Variants in TREML1 observed in about 807,000 individuals in gnomAD.
TREML1 encodes triggering receptor expressed on myeloid cells like 1, also known as trem-like transcript 1 protein.
TREML1 carries 27 observed loss-of-function variants against 22.8 expected under a neutral mutation model. That is an observed-to-expected ratio of 1.19 (90% CI 0.87 to 1.64). TREML1 has a LOEUF of 1.64. TREML1 is among the 40% of genes most tolerant of loss of function. The pLI is 0.00. For missense variants in TREML1, 356 were observed against 382.0 expected, an observed-to-expected ratio of 0.93 and a Z score of 0.57; for synonymous variants, 153 against 161.9, an observed-to-expected ratio of 0.94 and a Z score of 0.42.
chr6:41,149,801 T>G lies in TREML1; in HGVS notation c.739A>C (p.Ser247Arg). 1 of 1,614,074 alleles carries G rather than the reference T, an allele frequency of 6.2e-7. No homozygotes were observed. Among genetic ancestry groups the G allele is most frequent in the South Asian group, 1.1e-5 (1 of 91,076 alleles). ...CCTGATGGGGAATCAAGAGGTAGGC[T>G]GGTGTAGGTGGTATTGTCAAATGAA... ...PPSFDNTTYT[S>R]LPLDSPSGKP... The change falls in exon 6 of 6, where the codon AGC becomes CGC. Residue 247 changes from serine (S) to arginine (R), a missense_variant. Coordinates refer to ENST00000426005, the MANE Select transcript of TREML1 (RefSeq NM_178174.4).
rs770423890 is a variant in TREML1, at chr6:41,153,904, G to A, written c.230C>T (p.Thr77Met). 67 of 1,614,056 alleles carry A rather than the reference G, an allele frequency of 4.2e-5. No individual in the cohort carries two copies. The highest frequency in any genetic ancestry group is 1.3e-4 in the African/African-American group (10 of 74,904). Reference protein sequence around the residue: ...VDRRAPAGRRTFLTDLGGGLL... With the variant: ...VDRRAPAGRRMFLTDLGGGLL... Reference sequence around the variant, plus strand: ...GCCCCCACCCAGGTCTGTGAGAAACGTACGCCTGCCCGCTGGAGCTCTGCG... The same window carrying A: ...GCCCCCACCCAGGTCTGTGAGAAACATACGCCTGCCCGCTGGAGCTCTGCG... The change falls in exon 2 of 6, where the codon ACG (threonine) becomes ATG (methionine). Residue 77 changes from threonine (T) to methionine (M), a missense_variant. Transcript: ENST00000426005.
intron 5 of TREML1, 109 bp downstream of exon 5, chr6:41,150,152 C>T: frequency 7.9e-7 from 1 of 1,272,918 alleles, no homozygotes; most frequent in Non-Finnish European, 1.1e-6. Flanking sequence ...GGTTTGGACC[C>T]CAACTAGGTC....
rs1168791328 is a variant in TREML1, at chr6:41,149,611, G to A, written c.929C>T (p.Ser310Phe). Reference sequence around the variant, plus strand: ...TAAAGTGTGATGAGCAGCTTAGCTGGATGGAGTCTGATTGTTAGGTGGATT... The same window carrying A: ...TAAAGTGTGATGAGCAGCTTAGCTGAATGGAGTCTGATTGTTAGGTGGATT... ...AQNPPNNQTP[S>F]S Residue 310 changes from serine to phenylalanine, a missense_variant, in exon 6 of 6, where the codon TCC becomes TTC. Physicochemically the swap from Ser to Phe is radical, Grantham distance 155. Coordinates refer to ENST00000426005, the MANE Select transcript of TREML1 (RefSeq NM_178174.4). 6.2e-7 allele frequency: 1 copy of A among 1,610,600 alleles called. No homozygotes were observed. The highest frequency in any genetic ancestry group is 1.1e-5 in the South Asian group (1 of 90,766).
chr6:41,154,050 T>C lies in TREML1; in HGVS notation c.84A>G (p.Ala28=), dbSNP rs148869564. Residue 28 remains alanine (A), a synonymous_variant, in exon 2 of 6, where the codon GCA becomes GCG. Coordinates refer to ENST00000426005, the MANE Select transcript of TREML1 (RefSeq NM_178174.4). ...GCACCAGAATGGAGCTTCCCACGGG[T>C]GCCTGCAGCACCTCAGGGAGGCTGC... The part of the protein sequence containing the change: ...IVGSLPEVLQ[A]PVGSSILVQC... 6.2e-7 allele frequency: 1 copy of C among 1,613,908 alleles called. No homozygotes were observed. Among genetic ancestry groups the C allele is most frequent in the African/African-American group, 1.3e-5 (1 of 75,016 alleles).
At position 41,154,306 on chromosome 6, in the gene TREML1, T is replaced by A. The variant is rs1765367236; in HGVS notation, c.-18A>T. 1 of 1,613,086 alleles carries A rather than the reference T, an allele frequency of 6.2e-7. No homozygotes were observed. The highest frequency in any genetic ancestry group is 8.5e-7 in the Non-Finnish European group (1 of 1,179,214). On this transcript the variant is annotated 5_prime_UTR_variant, in exon 1 of 6. An upstream open reading frame in the 5' UTR loses its in-frame stop. Transcript: ENST00000426005. ...AGGCCCATGGCTGGGCAGAGAAATG[T>A]CAACTCCTGGGCTTGCCTGGGCACT...
Position 41,153,845 on chromosome 6 carries a change from C to T in TREML1, c.289G>A (p.Glu97Lys), listed in dbSNP as rs986464843. ...LQVEMVTLQEEDAGEYGCMVD... is the reference protein window; with the variant it reads ...LQVEMVTLQEKDAGEYGCMVD... ...ATGCAGCCATACTCGCCAGCATCCT[C>T]TTCCTGCAGGGTAACCATTTCCACC... Residue 97 changes from glutamate to lysine, a missense_variant, in exon 2 of 6, where the codon GAG becomes AAG. Coordinates refer to ENST00000426005, the MANE Select transcript of TREML1 (RefSeq NM_178174.4). The T allele has an allele frequency of 6.2e-7, 1 of 1,614,208 alleles. No homozygotes were observed. The highest frequency in any genetic ancestry group is 1.1e-5 in the South Asian group (1 of 91,088).
intron 5 of TREML1, 120 bp downstream of exon 5, chr6:41,150,141 G>C (rs1765206873): frequency 3.4e-6 from 4 of 1,163,032 alleles, no homozygotes; most frequent in South Asian, 1.5e-5. Flanking sequence ...TTTAGGAAGA[G>C]GGTTTGGACC....
intron 1 of TREML1, 54 bp downstream of exon 1, chr6:41,154,192 G>A: frequency 6.3e-7 from 1 of 1,598,212 alleles, no homozygotes; most frequent in African/African-American, 1.3e-5. Context: ...CGTTACTCCT[G>A]GACATGGGGC....
At chr6:41,151,502 G>C in intron 2 of TREML1, 118 bp from the exon 3 acceptor site, 1 of 844,584 alleles carries the variant, frequency 1.2e-6, no homozygotes, top group East Asian at 2.5e-5. Context: ...AGGAAGGAGA[G>C]GACCCCAGGA....
chr6:41,154,872 G>T (rs1030740627), upstream of TREML1, among the ~76,000 whole-genome samples: 1 of 152,064 alleles, frequency 6.6e-6, no homozygotes, highest in Non-Finnish European at 1.5e-5. Context: ...TTCAGTTCTG[G>T]GAAACAAATT....
chr6:41,153,640 C>T, intron 2 of TREML1, 118 bp downstream of exon 2: 2 of 992,956 alleles, frequency 2.0e-6, no homozygotes, highest in Non-Finnish European at 3.0e-6. Context: ...AAGAGGATAT[C>T]TCCTTGGAAT....
chr6:41,149,638 T>C lies in TREML1; in HGVS notation c.902A>G (p.Gln301Arg). ...TGGAGTCTGATTGTTAGGTGGATTC[T>C]GGGCTGGCCCACACGAGGTCCCTCC... Reference protein sequence around the residue: ...KGGGTSCGPAQNPPNNQTPSS With the variant: ...KGGGTSCGPARNPPNNQTPSS Residue 301 changes from glutamine (Q) to arginine (R), a missense_variant, in exon 6 of 6, where the codon CAG becomes CGG. Coordinates refer to ENST00000426005, the MANE Select transcript of TREML1 (RefSeq NM_178174.4). 1 of 1,613,764 alleles carries C rather than the reference T, an allele frequency of 6.2e-7. No individual in the cohort carries two copies. The highest frequency in any genetic ancestry group is 8.5e-7 in the Non-Finnish European group (1 of 1,179,758).
chr6:41,153,805 C>T lies in TREML1; in HGVS notation c.329G>A (p.Arg110Lys). The change falls in exon 2 of 6, where the codon AGG becomes AAG. Residue 110 changes from arginine (R) to lysine (K), a missense_variant. Transcript: ENST00000426005. ...GEYGCMVDGA[R>K]GPQILHRVSL... ...GACTCTGTGCAAAATCTGGGGCCCC[C>T]TGGCCCCATCCACCATGCAGCCATA... The T allele has an allele frequency of 6.2e-7, 1 of 1,613,886 alleles. No homozygotes were observed. The highest frequency in any genetic ancestry group is 8.5e-7 in the Non-Finnish European group (1 of 1,179,878).
At chr6:41,152,745 C>T (rs1389165358) in intron 2 of TREML1, among the ~76,000 whole-genome samples, 1 of 152,040 alleles carries the variant, frequency 6.6e-6, no homozygotes, top group African/African-American at 2.4e-5. Context: ...TGGTGGTGGG[C>T]ACCTGTAGTC....
rs199653254 is a variant in TREML1 at position 41,151,341 on chromosome 6, G to T, written c.420C>A (p.Asn140Lys). ...ETHKIGSLAE[N>K]AFSDPAGSAN... ...CACTGCCTGCAGGGTCTGAGAATGC[G>T]TTCTCAGCCAGACTGCCAATCTTAT... is the stretch of plus-strand genomic sequence containing the variant. Residue 140 changes from asparagine (N) to lysine (K), a missense_variant, in exon 3 of 6, where the codon AAC (asparagine) becomes AAA (lysine). By Grantham distance (94) the Asn-to-Lys change is moderately conservative (BLOSUM62 0). Coordinates refer to ENST00000426005, the MANE Select transcript of TREML1 (RefSeq NM_178174.4). 4.9e-5 allele frequency: 79 copies of T among 1,614,188 alleles called. No individual in the cohort carries two copies. In the South Asian group the frequency reaches 7.9e-4, roughly 16 times the overall value.
Position 41,149,903 on chromosome 6 carries a change from C to T in TREML1, c.637G>A (p.Val213Ile), listed in dbSNP as rs745808763. ...GGTCCAGAGTCACTGACGTGGTGGA[C>T]CACTGAGGAGGGATTCTGTAACAAA... ...RVSGMNPSSV[V>I]HHVSDSGPAA... is the part of the protein sequence containing the mutation. Residue 213 changes from valine to isoleucine, a missense_variant, in exon 6 of 6, where the codon GTC becomes ATC. By Grantham distance (29) the Val-to-Ile change is conservative. Coordinates refer to ENST00000426005, the MANE Select transcript of TREML1 (RefSeq NM_178174.4). 1.9e-6 allele frequency: 3 copies of T among 1,613,396 alleles called. No homozygotes were observed. In the South Asian group the frequency reaches 3.3e-5, roughly 18 times the overall value.
At chr6:41,151,985 G>C (rs1185776119) in intron 2 of TREML1, among the ~76,000 whole-genome samples, 1 of 152,168 alleles carries the variant, frequency 6.6e-6, no homozygotes, top group Non-Finnish European at 1.5e-5. Context: ...TCAGTTTGAG[G>C]ACAAGGCTTC....
intron 2 of TREML1, chr6:41,151,767 C>G (rs1765258194): frequency 4.9e-6 from 1 of 202,122 alleles, no homozygotes; most frequent in Non-Finnish European, 1.0e-5. Context: ...CTCCTTCCCA[C>G]CCGAATAGGT....
chr6:41,152,372 G>A (rs549761470), intron 2 of TREML1, among the ~76,000 whole-genome samples: 80 of 152,236 alleles, frequency 5.3e-4, no homozygotes, highest in South Asian at 4.8e-3. Context: ...CCTCCCTGAC[G>A]CTCCTCCCAG....
Sources: allele counts gnomAD v4.1 joint callset (sites outside exome capture counted in the v4.1 genomes callset), GRCh38; gene constraint gnomAD v4.1.1; transcripts MANE v1.5; gene names NCBI Gene and HGNC (gene_info 2026-07-23, HGNC 2026-07-21).